PCDHGA6: variants seen among roughly 807,000 people sequenced by gnomAD.
The protein encoded by PCDHGA6 is protocadherin gamma subfamily A, 6.
Under a neutral mutation model 60.6 loss-of-function variants are expected in PCDHGA6, and 41 were observed. The observed-to-expected ratio is 0.68, with a 90% CI of 0.53 to 0.88. The LOEUF is 0.88. Ranked by LOEUF, PCDHGA6 falls within the 40% of genes least tolerant of loss-of-function variation. PCDHGA6 has a pLI of 0.00. For synonymous variants in PCDHGA6, 594 were observed against 524.4 expected, an observed-to-expected ratio of 1.13 and a Z score of -1.81; for missense variants, 1,312 against 1,203.0, an observed-to-expected ratio of 1.09 and a Z score of -1.34.
chr5:141,421,464 T>A lies in PCDHGA6; in HGVS notation c.2424+44957T>A, dbSNP rs773727821. ...GGAAGACACAGCTTTTCGCTGTGAA[T>A]CCGCGAAGCGGCAGCTTGATCACGG... On this transcript the variant is annotated intron_variant, in intron 1 of 3. Transcript: ENST00000517434. 17 of 1,613,972 alleles carry A rather than the reference T, an allele frequency of 1.1e-5. No individual in the cohort carries two copies. In the East Asian group the frequency reaches 3.6e-4, roughly 34 times the overall value.
Position 141,498,971 on chromosome 5 carries a change from GGGAAGGAAGGAAGGAAGGAAGGAA to G in PCDHGA6, c.2483+4140_2483+4163del, listed in dbSNP as rs201769957. 5.1e-3 allele frequency among the ~76,000 whole-genome samples: 569 copies of G among 111,048 alleles called. 6 individuals carry two copies. Among genetic ancestry groups the G allele is most frequent in the South Asian group, 0.024 (65 of 2,658 alleles). 72.9% of individuals were successfully genotyped at this position (111,048 alleles called of 152,430 possible). A position where few individuals can be genotyped will look rare whatever the true frequency, so the allele number is the denominator to read the frequency against. On this transcript the variant is annotated intron_variant, in intron 2 of 3. Coordinates refer to ENST00000517434, the MANE Select transcript of PCDHGA6 (RefSeq NM_018919.3). ...AAAAAGAGAGAGAGGGAGGGAGGGA[GGGAAGGAAGGAAGGAAGGAAGGAA>G]GGAAGGAAGGAAGGAAGGAAGGAAG...
At position 141,375,937 on chromosome 5, in the gene PCDHGA6, A is replaced by G. The variant is rs777064247; in HGVS notation, c.1854A>G (p.Ser618=). The change falls in exon 1 of 4, where the codon TCA becomes TCG. Residue 618 remains serine (S), a synonymous_variant. Coordinates refer to ENST00000517434, the MANE Select transcript of PCDHGA6 (RefSeq NM_018919.3). ...LLKASEPGLF[S]VGLHTGEVRT... ...AGGCCAGCGAGCCAGGACTTTTCTC[A>G]GTGGGCCTGCACACGGGCGAGGTGC... 1.5e-5 allele frequency: 24 copies of G among 1,613,516 alleles called. No individual in the cohort carries two copies. The highest frequency in any genetic ancestry group is 6.7e-5 in the African/African-American group (5 of 74,928).
At chr5:141,409,461 T>C in intron 1 of PCDHGA6, 1 of 1,613,928 alleles carries the variant, frequency 6.2e-7, no homozygotes, top group Non-Finnish European at 8.5e-7. Flanking sequence ...GAATACAATG[T>C]CACCATCGTA....
At chr5:141,405,301 G>C (rs369812265) in intron 1 of PCDHGA6, 2 of 1,614,082 alleles carry the variant, frequency 1.2e-6, no homozygotes, top group African/African-American at 2.7e-5. Context: ...TCAGCCAGCA[G>C]AGCTGTGAGA....
intron 1 of PCDHGA6, chr5:141,404,094 A>C: frequency 6.2e-7 from 1 of 1,613,620 alleles, no homozygotes; most frequent in South Asian, 1.1e-5. Context: ...AAGAATGGTC[A>C]AGTTGTCTGT....
chr5:141,408,660 C>A, intron 1 of PCDHGA6: 3 of 1,613,980 alleles, frequency 1.9e-6, no homozygotes, highest in Non-Finnish European at 1.7e-6. Flanking sequence ...ACACGACTAT[C>A]GCTTGACCCT....
At chr5:141,405,775 G>A (rs2094716657) in intron 1 of PCDHGA6, among the ~76,000 whole-genome samples, 1 of 152,002 alleles carries the variant, frequency 6.6e-6, no homozygotes, top group African/African-American at 2.4e-5. Flanking sequence ...ACTGCGCCTG[G>A]CCCTTAACTT....
At chr5:141,483,737 G>A (rs1052778197) in intron 1 of PCDHGA6, among the ~76,000 whole-genome samples, 4 of 152,102 alleles carry the variant, frequency 2.6e-5, no homozygotes, top group South Asian at 2.1e-4. Context: ...TAGTCAAAAG[G>A]ATATTCCTGA....
At position 141,415,832 on chromosome 5, in the gene PCDHGA6, T is replaced by C. The variant is rs995620508; in HGVS notation, c.2424+39325T>C. On this transcript the variant is annotated intron_variant, in intron 1 of 3. Coordinates refer to ENST00000517434, the MANE Select transcript of PCDHGA6 (RefSeq NM_018919.3). ...GCCTATATATCATAAGGCTTTGTTA[T>C]GATTAGCTTTGCAGAACCTTGTAGT... 33 of 1,310,754 alleles carry C rather than the reference T, an allele frequency of 2.5e-5. No individual in the cohort carries two copies. The African/African-American group carries it at 4.7e-4, about 19-fold the overall frequency. 81.2% of individuals were successfully genotyped at this position (1,310,754 alleles called of 1,614,324 possible).
chr5:141,389,975 C>A (rs1318416407), intron 1 of PCDHGA6: 1 of 1,614,060 alleles, frequency 6.2e-7, no homozygotes, highest in Non-Finnish European at 8.5e-7. Flanking sequence ...TGGCCTTGAT[C>A]TCAGTGCTCT....
At chr5:141,463,493 G>C (rs2099061978) in intron 1 of PCDHGA6, among the ~76,000 whole-genome samples, 1 of 128,844 alleles carries the variant, frequency 7.8e-6, no homozygotes, top group Admixed American at 9.6e-5. Flanking sequence ...CTGTCACCCA[G>C]GCTGGAGTGA....
intron 1 of PCDHGA6, among the ~76,000 whole-genome samples, chr5:141,467,341 C>T (rs1169830103): frequency 6.6e-6 from 1 of 152,214 alleles, no homozygotes; most frequent in Non-Finnish European, 1.5e-5. Context: ...ACGTAAGCCA[C>T]TGCCCCCGGC....
At chr5:141,392,771 A>G in intron 1 of PCDHGA6, 1 of 1,514,130 alleles carries the variant, frequency 6.6e-7, no homozygotes, top group Non-Finnish European at 8.8e-7. Flanking sequence ...AGACCCATTT[A>G]TGCACAGTGA....
intron 1 of PCDHGA6, among the ~76,000 whole-genome samples, chr5:141,481,913 CAAAAA>C (rs34114744): frequency 1.1e-5 from 1 of 90,852 alleles, no homozygotes; most frequent in Non-Finnish European, 2.2e-5. Flanking sequence ...AACTCCATCT[CAAAAA>C]AAAAAAAAAA....
chr5:141,383,807 C>T, intron 1 of PCDHGA6: 7 of 1,613,926 alleles, frequency 4.3e-6, no homozygotes, highest in Non-Finnish European at 5.9e-6. Flanking sequence ...GAAATATCAA[C>T]TTTAGAAGGA....
intron 1 of PCDHGA6, among the ~76,000 whole-genome samples, chr5:141,462,086 A>G (rs993185274): frequency 6.6e-6 from 1 of 151,408 alleles, no homozygotes; most frequent in Non-Finnish European, 1.5e-5. Flanking sequence ...GCCTCCCAAA[A>G]TGCTGGGATT....
intron 1 of PCDHGA6, among the ~76,000 whole-genome samples, chr5:141,457,444 G>T (rs1253183319): frequency 6.6e-6 from 1 of 152,134 alleles, no homozygotes; most frequent in African/African-American, 2.4e-5. Context: ...AGCTGCAGAA[G>T]ATCACCACTT....
intron 1 of PCDHGA6, chr5:141,417,652 GCCTGGGATTC>G: frequency 2.4e-6 from 2 of 840,506 alleles, no homozygotes; most frequent in Non-Finnish European, 3.5e-6. Context: ...TCAGCCTCTA[GCCTGGGATTC>G]CCTGCGCAGC....
rs557975319 is a variant in PCDHGA6 at position 141,381,867 on chromosome 5, T to C, written c.2424+5360T>C. ...TTTTTTTGGCAGAGTTTTGCTCTTGTTGTCCAGGCTGGAGTGCAATGGTGT... is the reference window on the plus strand; with the variant it reads ...TTTTTTTGGCAGAGTTTTGCTCTTGCTGTCCAGGCTGGAGTGCAATGGTGT... On this transcript the variant is annotated intron_variant, in intron 1 of 3. Coordinates refer to ENST00000517434, the MANE Select transcript of PCDHGA6 (RefSeq NM_018919.3). Among the ~76,000 whole-genome samples, 9 of 148,494 alleles carry C rather than the reference T, an allele frequency of 6.1e-5. No homozygotes were observed. In the South Asian group the frequency reaches 2.0e-3, roughly 33 times the overall value.
Sources: allele counts gnomAD v4.1 joint callset (sites outside exome capture counted in the v4.1 genomes callset), GRCh38; gene constraint gnomAD v4.1.1; transcripts MANE v1.5; gene names NCBI Gene and HGNC (gene_info 2026-07-23, HGNC 2026-07-21).